OSBPL9: variants seen among roughly 807,000 people sequenced by gnomAD.
OSBPL9 encodes the protein oxysterol binding protein like 9.
Under a neutral mutation model 106.6 loss-of-function variants are expected in OSBPL9, and 40 were observed. The observed-to-expected ratio is 0.38, with a 90% CI of 0.29 to 0.49. The LOEUF is 0.49. OSBPL9 is among the 20% of genes least tolerant of loss of function. The probability of loss-of-function intolerance (pLI) is 0.97; values close to 1 mark genes in which losing one functional copy is unlikely to be tolerated. For missense variants in OSBPL9, 609 were observed against 887.2 expected, an observed-to-expected ratio of 0.69 and a Z score of 3.98; for synonymous variants, 269 against 295.4, an observed-to-expected ratio of 0.91 and a Z score of 0.92.
At chr1:51,549,970 T>C in the OSBPL9 span, among the ~76,000 whole-genome samples, 1 of 152,180 alleles carries the variant, frequency 6.6e-6, no homozygotes, top group Admixed American at 6.5e-5. Context: ...GGATAAACTG[T>C]TTTCTTTTAT....
the OSBPL9 span, among the ~76,000 whole-genome samples, chr1:51,532,705 A>G: frequency 8.9e-3 from 1,348 of 152,204 alleles, 22 homozygotes; most frequent in African/African-American, 0.031. Flanking sequence ...GTGAAGCAAA[A>G]TGAGAATGCA....
chr1:51,548,641 C>T, the OSBPL9 span, among the ~76,000 whole-genome samples: 1 of 152,136 alleles, frequency 6.6e-6, no homozygotes, highest in Non-Finnish European at 1.5e-5. Context: ...CCTCCTGCCT[C>T]GACCTCCCTC....
the OSBPL9 span, among the ~76,000 whole-genome samples, chr1:51,540,795 C>T: frequency 6.6e-6 from 1 of 151,458 alleles, no homozygotes; most frequent in African/African-American, 2.4e-5. Context: ...CCCGTCTCTA[C>T]TAAAAATACA....
intron 21 of OSBPL9, chr1:51,786,267 T>A: frequency 2.2e-6 from 1 of 452,102 alleles, no homozygotes; most frequent in Non-Finnish European, 3.9e-6. Flanking sequence ...AGATTTTGTA[T>A]AATAAAATTT....
At chr1:51,779,479 AT>A (rs1298713057) in intron 15 of OSBPL9, among the ~76,000 whole-genome samples, 1 of 152,228 alleles carries the variant, frequency 6.6e-6, no homozygotes, top group African/African-American at 2.4e-5. Flanking sequence ...ACTTCTGGAC[AT>A]TGGCCTAGGC....
chr1:51,542,831 C>T, the OSBPL9 span, among the ~76,000 whole-genome samples: 1 of 152,160 alleles, frequency 6.6e-6, no homozygotes, highest in Non-Finnish European at 1.5e-5. Flanking sequence ...TCATGATCAG[C>T]TTGATTTTGT....
chr1:51,682,299 T>C (rs1652738152), intron 3 of OSBPL9, among the ~76,000 whole-genome samples: 1 of 152,192 alleles, frequency 6.6e-6, no homozygotes, highest in Non-Finnish European at 1.5e-5. Context: ...AATCCACGGA[T>C]GCAGAACCTG....
chr1:51,545,839 A>C, the OSBPL9 span, among the ~76,000 whole-genome samples: 2 of 152,230 alleles, frequency 1.3e-5, no homozygotes, highest in Non-Finnish European at 2.9e-5. Context: ...CCTCTCTCAG[A>C]AACTGATATA....
At chr1:51,786,314 A>C (rs1184597845) in intron 21 of OSBPL9, 3 of 499,764 alleles carry the variant, frequency 6.0e-6, no homozygotes, top group Non-Finnish European at 1.1e-5. Flanking sequence ...AAAATGAGTT[A>C]AGATAGACCT....
chr1:51,648,879 G>T (rs1646331547), intron 1 of OSBPL9, among the ~76,000 whole-genome samples: 1 of 152,146 alleles, frequency 6.6e-6, no homozygotes, highest in Admixed American at 6.5e-5. Context: ...TGCTGCTTCT[G>T]CTATTGTTAT....
At chr1:51,536,295 G>A in the OSBPL9 span, among the ~76,000 whole-genome samples, 22 of 152,012 alleles carry the variant, frequency 1.4e-4, no homozygotes, top group African/African-American at 5.3e-4. Flanking sequence ...CTTTTAAAAA[G>A]GTTTTTTTTC....
At position 51,784,009 on chromosome 1, in the gene OSBPL9, G is replaced by C. The variant is rs1677008063; in HGVS notation, c.1608G>C (p.Val536=). The C allele has an allele frequency of 6.2e-7, 1 of 1,610,980 alleles. No homozygotes were observed. Among genetic ancestry groups the C allele is most frequent in the Non-Finnish European group, 8.5e-7 (1 of 1,177,468 alleles). The change falls in exon 18 of 24, where the codon GTG becomes GTC. Residue 536 remains valine (V), a synonymous_variant. Transcript: ENST00000428468. ...AATTCCTTGGGATGTCAATTGGGGT[G>C]CACAACATAGGGCAGGGTAAGTGTG... ...KSKFLGMSIG[V]HNIGQGCVSC...
At chr1:51,533,850 T>A in the OSBPL9 span, among the ~76,000 whole-genome samples, 2 of 147,824 alleles carry the variant, frequency 1.4e-5, no homozygotes, top group African/African-American at 4.9e-5. Flanking sequence ...TCTTTCTTTT[T>A]TTTTTTTTTT....
intron 3 of OSBPL9, among the ~76,000 whole-genome samples, chr1:51,681,193 T>A (rs1159225728): frequency 2.0e-5 from 3 of 152,190 alleles, no homozygotes; most frequent in Admixed American, 6.5e-5. Context: ...GATTAAGATA[T>A]ATAGACAAAA....
the OSBPL9 span, chr1:51,518,337 T>G: frequency 6.5e-6 from 1 of 152,770 alleles, no homozygotes; most frequent in East Asian, 1.9e-4. Context: ...AGAACAGGTT[T>G]TGCTGAGGAT....
upstream of OSBPL9, among the ~76,000 whole-genome samples, chr1:51,576,718 G>C (rs760879322): frequency 2.0e-5 from 3 of 152,034 alleles, no homozygotes; most frequent in Non-Finnish European, 4.4e-5. Flanking sequence ...TTGAAATTAG[G>C]ATCTCACTAT....
At chr1:51,653,719 C>A (rs1307897906) in intron 2 of OSBPL9, among the ~76,000 whole-genome samples, 1 of 152,206 alleles carries the variant, frequency 6.6e-6, no homozygotes, top group Non-Finnish European at 1.5e-5. Context: ...TCTGGACCGG[C>A]TGGGTGCTGG....
At chr1:51,523,124 A>G in the OSBPL9 span, among the ~76,000 whole-genome samples, 3 of 152,154 alleles carry the variant, frequency 2.0e-5, no homozygotes, top group Admixed American at 2.0e-4. Context: ...AAAAATAAAT[A>G]AATAAATAAG....
At chr1:51,525,354 G>A in the OSBPL9 span, among the ~76,000 whole-genome samples, 1 of 152,198 alleles carries the variant, frequency 6.6e-6, no homozygotes, top group Non-Finnish European at 1.5e-5. Context: ...AGCAGGTGCT[G>A]ATAATGTTGG....
Sources: allele counts gnomAD v4.1 joint callset (sites outside exome capture counted in the v4.1 genomes callset), GRCh38; gene constraint gnomAD v4.1.1; transcripts MANE v1.5; gene names NCBI Gene and HGNC (gene_info 2026-07-23, HGNC 2026-07-21).